TCF3: variants seen among roughly 807,000 people sequenced by gnomAD.
TCF3 encodes the protein transcription factor E2-alpha.
TCF3 carries 54 observed loss-of-function variants against 72.3 expected under a neutral mutation model. The ratio of observed to expected loss-of-function variants is 0.75; its 90% CI spans 0.60 to 0.94. The LOEUF is 0.94. TCF3 is among the 40% of genes least tolerant of loss of function. The probability of loss-of-function intolerance (pLI) is 0.00; values close to 1 mark genes in which losing one functional copy is unlikely to be tolerated. For synonymous variants in TCF3, 525 were observed against 412.6 expected, an observed-to-expected ratio of 1.27 and a Z score of -3.30; for missense variants, 1,078 against 934.4, an observed-to-expected ratio of 1.15 and a Z score of -2.00.
At chr19:1,636,689 G>A (rs1003340645) in intron 3 of TCF3, among the ~76,000 whole-genome samples, 4 of 152,106 alleles carry the variant, frequency 2.6e-5, no homozygotes, top group Non-Finnish European at 4.4e-5. Context: ...TCTTCCTGTC[G>A]TGTCTTCTTG....
rs373262069 is a variant in TCF3, at chr19:1,622,147, G to A, written c.729C>T (p.Gly243=). Residue 243 remains glycine (G), a synonymous_variant, in exon 10 of 19, where the codon GGC becomes GGT. Coordinates refer to ENST00000262965, the MANE Select transcript of TCF3 (RefSeq NM_003200.5). ...QAGFGPMLGG[G]SSPLPLPPGS... Reference sequence around the variant, plus strand: ...CGGGCGGGAGGGGCAGCGGGGATGAGCCCCCACCCAGCATGGGCCCGAAGC... The same window carrying A: ...CGGGCGGGAGGGGCAGCGGGGATGAACCCCCACCCAGCATGGGCCCGAAGC... The A allele has an allele frequency of 3.2e-6, 5 of 1,583,698 alleles. No individual in the cohort carries two copies. The African/African-American group carries it at 6.7e-5, about 21-fold the overall frequency.
intron 18 of TCF3, chr19:1,612,497 G>T: frequency 1.4e-6 from 2 of 1,443,788 alleles, no homozygotes; most frequent in East Asian, 4.6e-5. Flanking sequence ...GGCAGGGCTG[G>T]GTTGTGGAGA....
rs2146145047 is a variant in TCF3 at position 1,622,384 on chromosome 19, C to T, written c.581G>A (p.Gly194Asp). ...VYPPSSGEDY[G>D]RDATAYPSAK... ...GGACGGGTAGGCGGTGGCATCCCTG[C>T]CGTAGTCCTCACCTGAGCTGGGTGG... is the stretch of plus-strand genomic sequence containing the variant. Residue 194 changes from glycine (G) to aspartate (D), a missense_variant, in exon 9 of 19, where the codon GGC (glycine) becomes GAC (aspartate). Transcript: ENST00000262965. 2 of 1,518,510 alleles carry T rather than the reference C, an allele frequency of 1.3e-6. No individual in the cohort carries two copies. The allele number at this position is 1,518,510 out of a possible 1,614,324, so 94.1% of individuals were successfully genotyped here.
intron 6 of TCF3, among the ~76,000 whole-genome samples, chr19:1,626,997 C>T (rs2062964620): frequency 6.6e-6 from 1 of 152,216 alleles, no homozygotes; most frequent in African/African-American, 2.4e-5. Flanking sequence ...CAACCAGGGC[C>T]AGCGTGGGTG....
Position 1,615,491 on chromosome 19 carries a change from GGGAGAA to G in TCF3, c.1610_1615del (p.Leu537_Leu538del). On this transcript the variant is annotated inframe_deletion, in exon 18 of 19. Coordinates refer to ENST00000262965, the MANE Select transcript of TCF3 (RefSeq NM_003200.5). This position sits in a 1 kb window ranked among gnomAD's most constrained non-coding sequence, Gnocchi z 7.3. ...CTCCCGCTCGGCCTTCTGCTCTGGG[GGGAGAA>G]GGTCGTCCTCGTCCTCGTCTGGGCT... 1 of 1,610,698 alleles carries G rather than the reference GGGAGAA, an allele frequency of 6.2e-7. No individual in the cohort carries two copies. The highest frequency in any genetic ancestry group is 8.5e-7 in the Non-Finnish European group (1 of 1,179,860).
In TCF3 at chr19:1,611,834, G is replaced by A. The variant is rs770019485; in HGVS notation, c.1838C>T (p.Pro613Leu). 6.2e-7 allele frequency: 1 copy of A among 1,612,686 alleles called. No homozygotes were observed. The highest frequency in any genetic ancestry group is 8.5e-7 in the Non-Finnish European group (1 of 1,179,674). The stretch of plus-strand genomic sequence containing the variant: ...TCGCCGTTTCAAACAGGCTGCTTTG[G>A]GATTCAGGTTCCGCTCTGGAGGGAG... The part of the protein sequence containing the change: ...EQQVRERNLN[P>L]KAACLKRREE... Residue 613 changes from proline (P) to leucine (L), a missense_variant, in exon 19 of 19, where the codon CCC (proline) becomes CTC (leucine). Physicochemically the swap from Pro to Leu is moderately conservative, Grantham distance 98. Coordinates refer to ENST00000262965, the MANE Select transcript of TCF3 (RefSeq NM_003200.5).
chr19:1,642,823 T>A lies in TCF3; in HGVS notation c.145+3532A>T, dbSNP rs193017700. On this transcript the variant is annotated intron_variant, in intron 3 of 18. Coordinates refer to ENST00000262965, the MANE Select transcript of TCF3 (RefSeq NM_003200.5). ...GCATCCAGGGACCCAGCAATTCCAC[T>A]CCCAGACACGCACCCGGAGGAAATG... Among the ~76,000 whole-genome samples, 3 of 152,024 alleles carry A rather than the reference T, an allele frequency of 2.0e-5. No homozygotes were observed. The East Asian group carries it at 5.8e-4, about 30-fold the overall frequency.
In TCF3 at chr19:1,650,098, A is replaced by G. The variant is rs1055349626; in HGVS notation, c.72+79T>C. On this transcript the variant is annotated intron_variant, in intron 2 of 18. Coordinates refer to ENST00000262965, the MANE Select transcript of TCF3 (RefSeq NM_003200.5). The stretch of plus-strand genomic sequence containing the variant: ...AGGCTCCATCGCTGAAGTATTCAGC[A>G]AACACTCTCCCCTGAAAACCTTCCC... The G allele has an allele frequency of 5.1e-6, 7 of 1,370,804 alleles. No individual in the cohort carries two copies. The African/African-American group carries it at 7.2e-5, about 14-fold the overall frequency. The allele number at this position is 1,370,804 out of a possible 1,614,324, so 84.9% of individuals were successfully genotyped here. A position where few individuals can be genotyped will look rare whatever the true frequency, so the allele number is the denominator to read the frequency against.
intron 2 of TCF3, among the ~76,000 whole-genome samples, chr19:1,648,384 G>GC (rs1189269939): frequency 3.3e-5 from 5 of 152,250 alleles, no homozygotes; most frequent in Admixed American, 6.5e-5. Flanking sequence ...CGGGCACCTC[G>GC]CCGCTCCCAG....
In TCF3 at chr19:1,610,880, A is replaced by C. The variant is rs2060929824; in HGVS notation, c.*827T>G. 6.6e-6 allele frequency: 1 copy of C among 152,000 alleles called. No individual in the cohort carries two copies. Among genetic ancestry groups the C allele is most frequent in the Admixed American group, 7.1e-5 (1 of 14,000 alleles). 9.4% of individuals were successfully genotyped at this position (152,000 alleles called of 1,614,324 possible). ...AGAACCCCCAACATCAAAAAAACAA[A>C]AGACCCGCCGCCTGTCCCCGTTCTG... On this transcript the variant is annotated 3_prime_UTR_variant, in exon 19 of 19. Transcript: ENST00000262965.
In TCF3 at chr19:1,611,483, G is replaced by A. The variant is rs1473257910; in HGVS notation, c.*224C>T. ...GGTGGCTGAGATTCGGGGACAGGGG[G>A]AGCGAGGCCAGTGAGTGGTAGGCCA... On this transcript the variant is annotated 3_prime_UTR_variant, in exon 19 of 19. Transcript: ENST00000262965. 5.8e-6 allele frequency: 3 copies of A among 515,162 alleles called. No homozygotes were observed. Among genetic ancestry groups the A allele is most frequent in the Non-Finnish European group, 1.0e-5 (3 of 298,100 alleles). 31.9% of individuals were successfully genotyped at this position (515,162 alleles called of 1,614,324 possible). A position where few individuals can be genotyped will look rare whatever the true frequency, so the allele number is the denominator to read the frequency against.
In TCF3 at chr19:1,615,261, C is replaced by G; in HGVS notation, c.1822+24G>C. On this transcript the variant is annotated intron_variant, in intron 18 of 18. Transcript: ENST00000262965. This position sits in a 1 kb window ranked among gnomAD's most constrained non-coding sequence, Gnocchi z 7.3. ...GAGGGAGGGTGGCGCTGCAGGGACG[C>G]TGGTGGCCCGCGCCCCCACTGACCT... is the stretch of plus-strand genomic sequence containing the variant. The G allele has an allele frequency of 1.3e-6, 2 of 1,557,550 alleles. No individual in the cohort carries two copies. The highest frequency in any genetic ancestry group is 1.7e-6 in the Non-Finnish European group (2 of 1,147,906).
At position 1,611,196 on chromosome 19, in the gene TCF3, A is replaced by T. The variant is rs952694329; in HGVS notation, c.*511T>A. On this transcript the variant is annotated 3_prime_UTR_variant, in exon 19 of 19. Coordinates refer to ENST00000262965, the MANE Select transcript of TCF3 (RefSeq NM_003200.5). ...TGTAACTAATGTTTTTATTTTCCTTAAAAAAAATATTTCGCTTAGGCACAA... is the reference window on the plus strand; with the variant it reads ...TGTAACTAATGTTTTTATTTTCCTTTAAAAAAATATTTCGCTTAGGCACAA... The T allele has an allele frequency of 8.0e-6, 2 of 251,560 alleles. No homozygotes were observed. The highest frequency in any genetic ancestry group is 1.5e-5 in the Non-Finnish European group (2 of 131,554). The allele number at this position is 251,560 out of a possible 1,614,324, so 15.6% of individuals were successfully genotyped here.
rs116627484 is a variant in TCF3 at position 1,636,857 on chromosome 19, C to T, written c.146-4452G>A. Among the ~76,000 whole-genome samples, 936 of 152,264 alleles carry T rather than the reference C, an allele frequency of 6.1e-3. 16 individuals are homozygous for T. The highest frequency in any genetic ancestry group is 0.021 in the African/African-American group (883 of 41,540). On this transcript the variant is annotated intron_variant, in intron 3 of 18. Transcript: ENST00000262965. The stretch of plus-strand genomic sequence containing the variant: ...ACTTCGATCTGCCTCTAATGTCTGG[C>T]GATGGGGGGTGGGACAGCAGGGCCC...
intron 3 of TCF3, among the ~76,000 whole-genome samples, chr19:1,636,952 A>T (rs1426238699): frequency 2.0e-5 from 3 of 152,144 alleles, no homozygotes; most frequent in African/African-American, 7.2e-5. Flanking sequence ...CACCACCCTA[A>T]GAGTGGGGGT....
At chr19:1,649,914 C>G (rs1222753226) in intron 2 of TCF3, among the ~76,000 whole-genome samples, 6 of 152,226 alleles carry the variant, frequency 3.9e-5, no homozygotes, top group African/African-American at 1.4e-4. Flanking sequence ...AGGACCATGC[C>G]CCTGAGGACT....
intron 5 of TCF3, 22 bp downstream of exon 5, chr19:1,632,016 C>CCG: frequency 6.2e-7 from 1 of 1,610,008 alleles, no homozygotes; most frequent in Non-Finnish European, 8.5e-7. Flanking sequence ...AGCAGAGGGA[C>CCG]CGCACCAGGC....
rs200307903 is a variant in TCF3 at position 1,619,402 on chromosome 19, C to T, written c.1240G>A (p.Asp414Asn). The part of the protein sequence containing the change: ...LRSHAVGTAG[D>N]MHTLLPGHGA... ...TGGCCAGGCAGCAGCGTGTGCATGT[C>T]GCCGGCTGTGCCCACGGCGTGGCTG... The change falls in exon 15 of 19, where the codon GAC becomes AAC. Residue 414 changes from aspartate (D) to asparagine (N), a missense_variant. By Grantham distance (23) the Asp-to-Asn change is conservative. Coordinates refer to ENST00000262965, the MANE Select transcript of TCF3 (RefSeq NM_003200.5). 4.6e-5 allele frequency: 73 copies of T among 1,593,414 alleles called. No homozygotes were observed. The highest frequency in any genetic ancestry group is 6.7e-5 in the African/African-American group (5 of 74,874).
At chr19:1,621,436 CCTCTGGGCCTGGATGGGTGAGTCCCT>C (rs1276803192) in intron 11 of TCF3, among the ~76,000 whole-genome samples, 6 of 148,822 alleles carry the variant, frequency 4.0e-5, no homozygotes, top group Non-Finnish European at 7.5e-5. Flanking sequence ...GGTGAGTCCC[CCTCTGGGCCTGGATGGGTGAGTCCCT>C]CTCTGGGCCT....
Sources: allele counts gnomAD v4.1 joint callset (sites outside exome capture counted in the v4.1 genomes callset), GRCh38; gene constraint gnomAD v4.1.1; non-coding constraint Gnocchi (gnomAD v3.1); transcripts MANE v1.5; gene names NCBI Gene and HGNC (gene_info 2026-07-23, HGNC 2026-07-21).